ERC1: variants seen among roughly 807,000 people sequenced by gnomAD.
ERC1 encodes ELKS/RAB6-interacting/CAST family member 1.
In ERC1, 56 loss-of-function variants were observed where a neutral mutation model predicts 132.0. The ratio of observed to expected loss-of-function variants is 0.42; its 90% CI spans 0.34 to 0.53. The LOEUF is 0.53. Among genes scored for constraint, ERC1 ranks in the 20% least tolerant of loss-of-function variants. The pLI, the probability that ERC1 is intolerant of heterozygous loss-of-function variation, is 0.03. For synonymous variants in ERC1, 478 were observed against 476.1 expected (o/e 1.00, Z -0.05); for missense variants, 1,202 against 1,349.9 (o/e 0.89, Z 1.72).
intron 17 of ERC1, among the ~76,000 whole-genome samples, chr12:1,411,899 A>T (rs1591863103): frequency 9.3e-6 from 1 of 107,012 alleles, no homozygotes; most frequent in Non-Finnish European, 2.3e-5. Flanking sequence ...AGGAGACTAG[A>T]AAGTAAGCAA....
At chr12:1,178,926 A>C (rs901291435) in intron 8 of ERC1, among the ~76,000 whole-genome samples, 8 of 152,192 alleles carry the variant, frequency 5.3e-5, no homozygotes, top group African/African-American at 1.4e-4. Context: ...AAAGTGCCTG[A>C]TCTATGGTGG....
chr12:1,204,508 T>G (rs1463791639), intron 12 of ERC1: 2 of 1,591,372 alleles, frequency 1.3e-6, no homozygotes, highest in Non-Finnish European at 1.7e-6. Context: ...CAGTCTCACC[T>G]CAAGGTCAGT....
chr12:1,278,484 T>TA (rs141753680), intron 14 of ERC1, among the ~76,000 whole-genome samples: 5,713 of 152,288 alleles, frequency 0.038, 162 homozygotes, highest in Middle Eastern at 0.071. Flanking sequence ...GTAGCCACCT[T>TA]AAAAAATCTG....
At chr12:1,392,812 G>GT (rs780980357) in intron 16 of ERC1, among the ~76,000 whole-genome samples, 3 of 152,044 alleles carry the variant, frequency 2.0e-5, no homozygotes, top group African/African-American at 7.2e-5. Flanking sequence ...GTGGTTTTCT[G>GT]TTTTTTTCTT....
At chr12:1,196,521 TC>T in intron 12 of ERC1, among the ~76,000 whole-genome samples, 1 of 148,500 alleles carries the variant, frequency 6.7e-6, no homozygotes, top group African/African-American at 2.5e-5. Context: ...TTTGACAGAA[TC>T]TCACTCTGTT....
At chr12:1,366,357 C>T (rs1392874810) in intron 15 of ERC1, among the ~76,000 whole-genome samples, 9 of 152,116 alleles carry the variant, frequency 5.9e-5, no homozygotes, top group Admixed American at 5.2e-4. Context: ...AATCAAAAAA[C>T]ATTTACAGAG....
rs553427631 is a variant in ERC1, at chr12:1,353,175, C to T, written c.2781-18658C>T. ...CCTCCCGAGTAGCTGGGACTACAGG[C>T]GCCCGCCACCACACCCAGCTAATTT... On this transcript the variant is annotated intron_variant, in intron 15 of 18. Transcript: ENST00000360905. Among the ~76,000 whole-genome samples the T allele has an allele frequency of 7.9e-5, 12 of 151,962 alleles. No homozygotes were observed. In the South Asian group the frequency reaches 8.3e-4, roughly 11 times the overall value.
chr12:1,416,517 C>A (rs1022760099), intron 17 of ERC1, among the ~76,000 whole-genome samples: 2 of 152,152 alleles, frequency 1.3e-5, no homozygotes, highest in East Asian at 3.8e-4. Flanking sequence ...ATATTGGACA[C>A]CCATAATTCA....
intron 7 of ERC1, among the ~76,000 whole-genome samples, chr12:1,140,715 C>A (rs754401206): frequency 6.6e-6 from 1 of 152,152 alleles, no homozygotes; most frequent in South Asian, 2.1e-4. Flanking sequence ...TTGCACTGTT[C>A]AGTCTGGTAG....
In ERC1 at chr12:1,034,581, T is replaced by C. The variant is rs549442067; in HGVS notation, c.669+6009T>C. Among the ~76,000 whole-genome samples the C allele has an allele frequency of 7.2e-5, 11 of 152,264 alleles. No homozygotes were observed. In the East Asian group the frequency reaches 2.1e-3, roughly 29 times the overall value. The stretch of plus-strand genomic sequence containing the variant: ...TGTGTGTATCAAATTTAGAGTAGAT[T>C]TGAAGTTACTGGATTTATCACCATT... On this transcript the variant is annotated intron_variant, in intron 2 of 18. Coordinates refer to ENST00000360905, the MANE Select transcript of ERC1 (RefSeq NM_178040.4).
At chr12:1,484,072 GAGGC>G (rs1282264691) in intron 18 of ERC1, among the ~76,000 whole-genome samples, 1 of 77,566 alleles carries the variant, frequency 1.3e-5, no homozygotes, top group African/African-American at 7.0e-5. Flanking sequence ...TTGGGAGGCT[GAGGC>G]GGGCGGATCA....
chr12:1,057,185 G>T (rs1035416972), intron 2 of ERC1, among the ~76,000 whole-genome samples: 2 of 152,022 alleles, frequency 1.3e-5, no homozygotes, highest in African/African-American at 4.8e-5. Context: ...TTGTCAGCGC[G>T]ATCTCTCGGC....
Position 1,033,815 on chromosome 12 carries a change from A to G in ERC1, c.669+5243A>G, listed in dbSNP as rs946460295. On this transcript the variant is annotated intron_variant, in intron 2 of 18. Coordinates refer to ENST00000360905, the MANE Select transcript of ERC1 (RefSeq NM_178040.4). ...TGGCTAATTTTTTGTATTTTAGTAG[A>G]GACGGGATTTTGCCATTTTGGCCAG... 2.0e-5 allele frequency among the ~76,000 whole-genome samples: 3 copies of G among 151,998 alleles called. No individual in the cohort carries two copies. In the East Asian group the frequency reaches 5.8e-4, roughly 29 times the overall value.
chr12:1,347,724 C>T (rs142360146), intron 15 of ERC1, among the ~76,000 whole-genome samples: 4 of 152,322 alleles, frequency 2.6e-5, no homozygotes, highest in African/African-American at 9.6e-5. Context: ...TTGCTCAAGC[C>T]TGTAATCCCA....
intron 16 of ERC1, among the ~76,000 whole-genome samples, chr12:1,374,268 C>A (rs1259530906): frequency 1.3e-5 from 2 of 152,190 alleles, no homozygotes; most frequent in African/African-American, 4.8e-5. Flanking sequence ...CTGATAGGCT[C>A]TTGGCGTTCA....
intron 17 of ERC1, among the ~76,000 whole-genome samples, chr12:1,440,434 C>T (rs929877826): frequency 2.0e-5 from 3 of 150,602 alleles, no homozygotes; most frequent in Non-Finnish European, 3.0e-5. Context: ...TCTCGATCTC[C>T]TGACCTCGTG....
At chr12:1,449,941 C>G (rs1344202428) in intron 18 of ERC1, among the ~76,000 whole-genome samples, 1 of 151,856 alleles carries the variant, frequency 6.6e-6, no homozygotes, top group African/African-American at 2.4e-5. Flanking sequence ...AGTGATTACT[C>G]TGTGGTTTAC....
At chr12:1,462,722 T>C (rs2093666891) in intron 18 of ERC1, among the ~76,000 whole-genome samples, 1 of 152,184 alleles carries the variant, frequency 6.6e-6, no homozygotes, top group Non-Finnish European at 1.5e-5. Flanking sequence ...GAAAATGTCC[T>C]ATATTTTGAC....
chr12:1,110,978 A>G (rs1228219007), intron 5 of ERC1, among the ~76,000 whole-genome samples: 1 of 152,170 alleles, frequency 6.6e-6, no homozygotes, highest in Non-Finnish European at 1.5e-5. Flanking sequence ...TGCTGGGATT[A>G]CAGACGTGAG....
Sources: gnomAD v4.1 joint callset for allele counts (sites outside exome capture counted in the v4.1 genomes callset) on GRCh38, gnomAD v4.1.1 for gene constraint, MANE v1.5 for transcripts, NCBI Gene and HGNC (gene_info 2026-07-23, HGNC 2026-07-21) for gene names.